Variants in PPP2R5A observed in about 807,000 individuals in gnomAD.
PPP2R5A encodes the protein serine/threonine-protein phosphatase 2A 56 kDa regulatory subunit alpha isoform.
In PPP2R5A, 25 loss-of-function variants were observed where a neutral mutation model predicts 64.2. The observed-to-expected ratio is 0.39, with a 90% CI of 0.28 to 0.54. PPP2R5A has a LOEUF of 0.54. Among genes scored for constraint, PPP2R5A ranks in the 20% least tolerant of loss-of-function variants. The pLI is 0.67. For synonymous variants in PPP2R5A, 198 were observed against 201.2 expected, an observed-to-expected ratio of 0.98 and a Z score of 0.13; for missense variants, 425 against 576.3, an observed-to-expected ratio of 0.74 and a Z score of 2.69.
chr1:212,306,112 G>T (rs910678265), intron 1 of PPP2R5A, among the ~76,000 whole-genome samples: 2 of 152,142 alleles, frequency 1.3e-5, no homozygotes, highest in East Asian at 3.8e-4. Flanking sequence ...CCCATTGGCC[G>T]GGGTCGGGTC....
chr1:212,335,295 G>A (rs1050746253), intron 3 of PPP2R5A, among the ~76,000 whole-genome samples: 1 of 151,702 alleles, frequency 6.6e-6, no homozygotes, highest in Non-Finnish European at 1.5e-5. Flanking sequence ...GCCTAACATG[G>A]AGAAACCCCA....
intron 6 of PPP2R5A, 23 bp from the exon 7 acceptor site, chr1:212,348,366 C>A: frequency 6.8e-7 from 1 of 1,472,010 alleles, no homozygotes; most frequent in Admixed American, 1.7e-5. Context: ...CTTAACCCTT[C>A]CCCTGCCTTT....
intron 1 of PPP2R5A, among the ~76,000 whole-genome samples, chr1:212,318,502 C>T (rs916754831): frequency 4.6e-5 from 7 of 152,260 alleles, no homozygotes; most frequent in South Asian, 2.1e-4. Context: ...CAGGTTATTA[C>T]ATATATTAAG....
chr1:212,350,727 A>G (rs1051618864), intron 8 of PPP2R5A, among the ~76,000 whole-genome samples: 2 of 152,062 alleles, frequency 1.3e-5, no homozygotes, highest in African/African-American at 4.8e-5. Context: ...GAAAAAGAAA[A>G]CCCATAATAA....
intron 1 of PPP2R5A, among the ~76,000 whole-genome samples, chr1:212,316,310 C>T (rs1243730098): frequency 1.3e-5 from 2 of 152,092 alleles, no homozygotes; most frequent in African/African-American, 4.8e-5. Context: ...CTCCAGTGAC[C>T]GCATGAATGA....
intron 3 of PPP2R5A, among the ~76,000 whole-genome samples, chr1:212,338,926 A>C (rs113155248): frequency 0.022 from 3,275 of 152,302 alleles, 129 homozygotes; most frequent in African/African-American, 0.074. Flanking sequence ...ATTGAGGGTA[A>C]AGTAATGAAC....
chr1:212,355,751 A>G (rs1419803377), intron 8 of PPP2R5A, among the ~76,000 whole-genome samples: 1 of 152,086 alleles, frequency 6.6e-6, no homozygotes, highest in African/African-American at 2.4e-5. Context: ...TTAGGCATAT[A>G]GCATTCTTCT....
chr1:212,342,301 A>T, intron 4 of PPP2R5A, 21 bp downstream of exon 4: 1 of 1,607,036 alleles, frequency 6.2e-7, no homozygotes, highest in Non-Finnish European at 8.5e-7. Context: ...CTTTTGTCTT[A>T]GATTCTCATA....
intron 5 of PPP2R5A, among the ~76,000 whole-genome samples, chr1:212,346,961 T>C (rs1360862644): frequency 2.0e-5 from 3 of 152,208 alleles, no homozygotes; most frequent in African/African-American, 7.2e-5. Context: ...GTAAAGAAAT[T>C]CTGATTAAAA....
intron 1 of PPP2R5A, among the ~76,000 whole-genome samples, chr1:212,327,832 T>G (rs916343564): frequency 2.6e-5 from 4 of 151,198 alleles, no homozygotes; most frequent in African/African-American, 9.7e-5. Context: ...CTGCATTGAT[T>G]GATTGAGATG....
chr1:212,327,702 C>T (rs1288434297), intron 1 of PPP2R5A, among the ~76,000 whole-genome samples: 1 of 152,196 alleles, frequency 6.6e-6, no homozygotes, highest in Non-Finnish European at 1.5e-5. Flanking sequence ...GCATGAGCCA[C>T]CACACCGGCC....
intron 1 of PPP2R5A, among the ~76,000 whole-genome samples, chr1:212,312,828 C>T (rs534285421): frequency 2.6e-5 from 4 of 151,656 alleles, no homozygotes; most frequent in African/African-American, 9.7e-5. Context: ...AAGTTGTATA[C>T]AAAATATTAA....
At chr1:212,312,442 C>T (rs1253074049) in intron 1 of PPP2R5A, among the ~76,000 whole-genome samples, 1 of 152,144 alleles carries the variant, frequency 6.6e-6, no homozygotes, top group Non-Finnish European at 1.5e-5. Context: ...ATTTCAGAGG[C>T]TATAAAAATG....
At chr1:212,286,367 T>TC (rs1157446011) in intron 1 of PPP2R5A, 76 bp downstream of exon 1, 9 of 1,372,720 alleles carry the variant, frequency 6.6e-6, no homozygotes, top group Non-Finnish European at 7.5e-6. Context: ...CAGAGCCATT[T>TC]CCTGCTGGGT....
chr1:212,351,749 T>G (rs1164237098), intron 8 of PPP2R5A, among the ~76,000 whole-genome samples: 1 of 151,690 alleles, frequency 6.6e-6, no homozygotes, highest in Non-Finnish European at 1.5e-5. Flanking sequence ...AAGTGCAGAG[T>G]GGAAGAATTA....
At chr1:212,323,940 T>C (rs1367010472) in intron 1 of PPP2R5A, among the ~76,000 whole-genome samples, 2 of 151,792 alleles carry the variant, frequency 1.3e-5, no homozygotes, top group African/African-American at 4.8e-5. Context: ...GGTGTGGTGG[T>C]GAGTGCCTGT....
chr1:212,357,284 C>T lies in PPP2R5A; in HGVS notation c.1226C>T (p.Pro409Leu), dbSNP rs776779360. Residue 409 changes from proline to leucine, a missense_variant and splice_region_variant, in exon 11 of 13, where the codon CCG (proline) becomes CTG (leucine). This residue lies in a region of PPP2R5A where 177 missense variants were observed against 244.8 expected (regional missense o/e 0.72). Coordinates refer to ENST00000261461, the MANE Select transcript of PPP2R5A (RefSeq NM_006243.4). ...LYKISKEHWN[P>L]TIVALVYNVL... is the part of the protein sequence containing the mutation. ...AAAATTTCCAAAGAACACTGGAATC[C>T]GTAAGTATCTTTTATATAGGTCGTA... is the stretch of plus-strand genomic sequence containing the variant. 8 of 1,565,616 alleles carry T rather than the reference C, an allele frequency of 5.1e-6. No individual in the cohort carries two copies. Among genetic ancestry groups the T allele is most frequent in the East Asian group, 2.3e-5 (1 of 44,002 alleles).
In PPP2R5A at chr1:212,357,063, T is replaced by C. The variant is rs1258184923; in HGVS notation, c.1092T>C (p.His364=). ...KQISKCVSSS[H]FQVAERALYF... Reference sequence around the variant, plus strand: ...TATCCAAGTGTGTATCCAGTTCTCATTTTCAGGTATGATGTTTTCAGTGAA... The same window carrying C: ...TATCCAAGTGTGTATCCAGTTCTCACTTTCAGGTATGATGTTTTCAGTGAA... The change falls in exon 10 of 13, where the codon CAT becomes CAC. Residue 364 remains histidine, a synonymous_variant. Coordinates refer to ENST00000261461, the MANE Select transcript of PPP2R5A (RefSeq NM_006243.4). 10 of 1,603,956 alleles carry C rather than the reference T, an allele frequency of 6.2e-6. No homozygotes were observed. Among genetic ancestry groups the C allele is most frequent in the Non-Finnish European group, 6.8e-6 (8 of 1,177,092 alleles).
intron 4 of PPP2R5A, among the ~76,000 whole-genome samples, chr1:212,345,182 T>A (rs896693566): frequency 7.1e-4 from 107 of 150,990 alleles, no homozygotes; most frequent in African/African-American, 2.0e-3. Context: ...AAAAAAAAAA[T>A]TTGGCCTCAT....
Sources: allele counts gnomAD v4.1 joint callset (sites outside exome capture counted in the v4.1 genomes callset), GRCh38; gene constraint gnomAD v4.1.1; regional missense constraint gnomAD v4.1.1; transcripts MANE v1.5; gene names NCBI Gene and HGNC (gene_info 2026-07-23, HGNC 2026-07-21).